The following MAN1A1 variants were observed in gnomAD, a reference collection of about 807,000 sequenced individuals.
The protein encoded by MAN1A1 is mannosyl-oligosaccharide 1,2-alpha-mannosidase IA.
Under a neutral mutation model 70.8 loss-of-function variants are expected in MAN1A1, and 29 were observed. The ratio of observed to expected loss-of-function variants is 0.41; its 90% CI spans 0.31 to 0.56. The LOEUF (loss-of-function observed/expected upper bound fraction) is 0.56. Among genes scored for constraint, MAN1A1 ranks in the 20% least tolerant of loss-of-function variants. The pLI is 0.29. For synonymous variants in MAN1A1, 349 were observed against 330.1 expected (o/e 1.06, Z -0.62); for missense variants, 747 against 841.3 (o/e 0.89, Z 1.39).
chr6:119,261,546 T>C (rs1481502122), intron 5 of MAN1A1, among the ~76,000 whole-genome samples: 1 of 152,078 alleles, frequency 6.6e-6, no homozygotes, highest in Non-Finnish European at 1.5e-5. Context: ...ATGTGATACA[T>C]AGGAAAAGGA....
intron 2 of MAN1A1, among the ~76,000 whole-genome samples, chr6:119,329,277 A>G (rs1350281147): frequency 6.6e-6 from 1 of 152,214 alleles, no homozygotes; most frequent in Non-Finnish European, 1.5e-5. Flanking sequence ...CTGATTCATA[A>G]GACAGCCTGT....
chr6:119,246,829 C>T (rs1775180071), intron 6 of MAN1A1, among the ~76,000 whole-genome samples: 1 of 152,066 alleles, frequency 6.6e-6, no homozygotes, highest in African/African-American at 2.4e-5. Flanking sequence ...TCAGAGCCAC[C>T]CCTGCATTAA....
intron 7 of MAN1A1, among the ~76,000 whole-genome samples, chr6:119,203,100 C>T (rs926604024): frequency 5.9e-5 from 9 of 152,242 alleles, no homozygotes; most frequent in African/African-American, 2.2e-4. Context: ...CAGAATAAAA[C>T]CTACCTCATG....
chr6:119,241,829 A>C (rs542804166), intron 6 of MAN1A1, among the ~76,000 whole-genome samples: 2 of 152,136 alleles, frequency 1.3e-5, no homozygotes, highest in Non-Finnish European at 2.9e-5. Context: ...TTTTTAAAAA[A>C]TGCCAGAATT....
At chr6:119,312,801 G>A (rs935954867) in intron 2 of MAN1A1, among the ~76,000 whole-genome samples, 6 of 152,316 alleles carry the variant, frequency 3.9e-5, no homozygotes, top group African/African-American at 1.4e-4. Flanking sequence ...GAGACTGCGA[G>A]GTTGTGCCTG....
In MAN1A1 at chr6:119,279,501, A is replaced by G. The variant is rs375819695; in HGVS notation, c.897+11182T>C. On this transcript the variant is annotated intron_variant, in intron 5 of 12. Coordinates refer to ENST00000368468, the MANE Select transcript of MAN1A1 (RefSeq NM_005907.4). ...TTGAGGCTACCATAAATTCATGGCT[A>G]CCAGCCTAGACACTGTCCAGAACCT... is the stretch of plus-strand genomic sequence containing the variant. 2.0e-5 allele frequency among the ~76,000 whole-genome samples: 3 copies of G among 152,362 alleles called. No homozygotes were observed. The South Asian group carries it at 6.2e-4, about 32-fold the overall frequency.
At chr6:119,223,512 TACTA>T (rs1323073812) in intron 6 of MAN1A1, among the ~76,000 whole-genome samples, 2 of 152,138 alleles carry the variant, frequency 1.3e-5, no homozygotes, top group Non-Finnish European at 2.9e-5. Context: ...TATTCATACT[TACTA>T]ACTGAATTCA....
Position 119,348,553 on chromosome 6 carries a change from C to T in MAN1A1, c.513G>A (p.Leu171=), listed in dbSNP as rs1773803692. ...TTGGGGGCACGAAGTCCACCGGGGGCAGGCCTCTGAACGGCGCCTTGTCAC... is the reference window on the plus strand; with the variant it reads ...TTGGGGGCACGAAGTCCACCGGGGGTAGGCCTCTGAACGGCGCCTTGTCAC... ...QLRDKAPFRG[L]PPVDFVPPIG... is the part of the protein sequence containing the mutation. Residue 171 remains leucine, a synonymous_variant, in exon 2 of 13, where the codon CTG becomes CTA. Coordinates refer to ENST00000368468, the MANE Select transcript of MAN1A1 (RefSeq NM_005907.4). 1 of 1,613,516 alleles carries T rather than the reference C, an allele frequency of 6.2e-7. No homozygotes were observed. The highest frequency in any genetic ancestry group is 8.5e-7 in the Non-Finnish European group (1 of 1,179,760).
At chr6:119,203,585 C>T (rs536077852) in intron 7 of MAN1A1, among the ~76,000 whole-genome samples, 8 of 152,058 alleles carry the variant, frequency 5.3e-5, no homozygotes, top group African/African-American at 1.7e-4. Flanking sequence ...ACATACAGTA[C>T]ACCAGGTGAC....
chr6:119,197,831 A>C (rs1434674424), intron 8 of MAN1A1, among the ~76,000 whole-genome samples: 3 of 151,882 alleles, frequency 2.0e-5, no homozygotes, highest in Non-Finnish European at 4.4e-5. Context: ...AAATTGGCCC[A>C]TAAGGAATCT....
chr6:119,245,413 C>T (rs1001931226), intron 6 of MAN1A1, among the ~76,000 whole-genome samples: 3 of 152,052 alleles, frequency 2.0e-5, no homozygotes, highest in Admixed American at 1.3e-4. Flanking sequence ...TAAAGTGATT[C>T]GCAAAACAGT....
chr6:119,298,764 T>C (rs1321599973), intron 4 of MAN1A1, among the ~76,000 whole-genome samples: 1 of 151,750 alleles, frequency 6.6e-6, no homozygotes, highest in African/African-American at 2.4e-5. Flanking sequence ...GCCTGGGAAA[T>C]TTTTTGTATT....
chr6:119,196,167 G>T (rs1562186950), intron 8 of MAN1A1, among the ~76,000 whole-genome samples: 1 of 152,044 alleles, frequency 6.6e-6, no homozygotes, highest in African/African-American at 2.4e-5. Flanking sequence ...CTCCCCTTGG[G>T]TTATGATTTT....
chr6:119,194,816 G>A (rs1773525916), intron 8 of MAN1A1, among the ~76,000 whole-genome samples: 1 of 67,452 alleles, frequency 1.5e-5, no homozygotes, highest in African/African-American at 3.3e-5. Flanking sequence ...CACAACTGTA[G>A]GATAGGTATC....
chr6:119,258,345 G>T (rs958544324), intron 5 of MAN1A1, among the ~76,000 whole-genome samples: 1 of 152,148 alleles, frequency 6.6e-6, no homozygotes, highest in Non-Finnish European at 1.5e-5. Context: ...ACCAGTTGCA[G>T]ATCAAAAATA....
intron 6 of MAN1A1, among the ~76,000 whole-genome samples, chr6:119,216,098 G>A (rs1774193267): frequency 6.6e-6 from 1 of 152,192 alleles, no homozygotes; most frequent in Non-Finnish European, 1.5e-5. Flanking sequence ...TCCAGTGCCA[G>A]GGCCTCTGGA....
chr6:119,227,582 G>C (rs1466412921), intron 6 of MAN1A1, among the ~76,000 whole-genome samples: 1 of 152,066 alleles, frequency 6.6e-6, no homozygotes, highest in Non-Finnish European at 1.5e-5. Context: ...CAATTCTCCT[G>C]CCTCAGCCTC....
At chr6:119,277,269 T>C (rs1288538815) in intron 5 of MAN1A1, among the ~76,000 whole-genome samples, 1 of 152,124 alleles carries the variant, frequency 6.6e-6, no homozygotes, top group Non-Finnish European at 1.5e-5. Context: ...AGTGACTTCG[T>C]TATTATTATT....
intron 6 of MAN1A1, among the ~76,000 whole-genome samples, chr6:119,208,077 G>C (rs556560251): frequency 1.3e-5 from 2 of 152,218 alleles, no homozygotes; most frequent in East Asian, 3.9e-4. Flanking sequence ...GAAAGGAAAA[G>C]ATATTTAAAT....
Sources: allele counts gnomAD v4.1 joint callset (sites outside exome capture counted in the v4.1 genomes callset), GRCh38; gene constraint gnomAD v4.1.1; transcripts MANE v1.5; gene names NCBI Gene and HGNC (gene_info 2026-07-23, HGNC 2026-07-21).